The following POFUT3 variants were observed in gnomAD, a reference collection of about 807,000 sequenced individuals.
POFUT3 encodes the protein protein O-fucosyltransferase 3, also known as GDP-fucose protein O-fucosyltransferase 3.
At chr8:33,325,362 C>T in the POFUT3 span, among the ~76,000 whole-genome samples, 1 of 152,176 alleles carries the variant, frequency 6.6e-6, no homozygotes, top group African/African-American at 2.4e-5. Flanking sequence ...TTTTCCCTAA[C>T]ATATTATTAA....
chr8:33,369,688 T>C, the POFUT3 span, among the ~76,000 whole-genome samples: 1 of 152,174 alleles, frequency 6.6e-6, no homozygotes, highest in East Asian at 1.9e-4. Context: ...CAGTCTTTTA[T>C]AGATATTGAG....
At chr8:33,363,484 G>A in the POFUT3 span, among the ~76,000 whole-genome samples, 10 of 152,122 alleles carry the variant, frequency 6.6e-5, no homozygotes, top group Middle Eastern at 6.8e-3. Context: ...TTCAGAAGCC[G>A]GTTTTTTGAA....
the POFUT3 span, among the ~76,000 whole-genome samples, chr8:33,374,288 G>A: frequency 2.6e-5 from 4 of 152,128 alleles, no homozygotes; most frequent in East Asian, 7.7e-4. Context: ...GCCCTAATAG[G>A]ATGCAATGAG....
chr8:33,397,936 T>A, the POFUT3 span, among the ~76,000 whole-genome samples: 1 of 152,182 alleles, frequency 6.6e-6, no homozygotes, highest in African/African-American at 2.4e-5. Flanking sequence ...AAAGCAAGGT[T>A]TTACTGAGTC....
chr8:33,449,882 C>T, the POFUT3 span, among the ~76,000 whole-genome samples: 13 of 151,984 alleles, frequency 8.6e-5, no homozygotes, highest in African/African-American at 2.7e-4. Context: ...TCCTTCAAGG[C>T]CCACTTCAAA....
chr8:33,394,043 G>T, the POFUT3 span, among the ~76,000 whole-genome samples: 13 of 152,078 alleles, frequency 8.5e-5, no homozygotes, highest in African/African-American at 2.9e-4. Flanking sequence ...AAATTAGCTG[G>T]ATGTGATGGT....
chr8:33,381,154 T>C, the POFUT3 span, among the ~76,000 whole-genome samples: 1 of 152,118 alleles, frequency 6.6e-6, no homozygotes, highest in African/African-American at 2.4e-5. Context: ...CAAATTTATA[T>C]ATGTGTATAT....
chr8:33,357,453 A>G, the POFUT3 span, among the ~76,000 whole-genome samples: 2 of 151,908 alleles, frequency 1.3e-5, no homozygotes, highest in Non-Finnish European at 2.9e-5. Context: ...ATTAATTGGT[A>G]CATTAGAAGA....
the POFUT3 span, among the ~76,000 whole-genome samples, chr8:33,472,107 T>A: frequency 1.3e-5 from 2 of 152,314 alleles, no homozygotes; most frequent in Non-Finnish European, 2.9e-5. Context: ...GTGAGTTTCC[T>A]GGGTGTCTCA....
chr8:33,311,608 G>A, the POFUT3 span, among the ~76,000 whole-genome samples: 7 of 152,092 alleles, frequency 4.6e-5, no homozygotes, highest in African/African-American at 1.2e-4. Flanking sequence ...TGTTAATGTC[G>A]GTTTTACTTC....
chr8:33,400,573 T>C, the POFUT3 span, among the ~76,000 whole-genome samples: 5 of 152,072 alleles, frequency 3.3e-5, no homozygotes, highest in African/African-American at 1.2e-4. Flanking sequence ...GTATATCCAA[T>C]TAAACTATGA....
the POFUT3 span, among the ~76,000 whole-genome samples, chr8:33,422,203 T>C: frequency 6.6e-6 from 1 of 151,484 alleles, no homozygotes; most frequent in South Asian, 2.1e-4. Context: ...CCTTTGCTAC[T>C]AGATAACAGA....
the POFUT3 span, among the ~76,000 whole-genome samples, chr8:33,472,171 T>C: frequency 6.6e-6 from 1 of 152,218 alleles, no homozygotes; most frequent in East Asian, 1.9e-4. Context: ...ACTTGCCTTA[T>C]TCAAAACTGT....
At chr8:33,348,050 C>T in the POFUT3 span, among the ~76,000 whole-genome samples, 3 of 151,848 alleles carry the variant, frequency 2.0e-5, no homozygotes, top group Admixed American at 6.6e-5. Context: ...TGGTGGTGGG[C>T]ACCTGTAATC....
At chr8:33,346,221 T>G in the POFUT3 span, among the ~76,000 whole-genome samples, 3 of 151,962 alleles carry the variant, frequency 2.0e-5, no homozygotes, top group South Asian at 6.2e-4. Flanking sequence ...TGAGCTAAAT[T>G]TCCTTAGAAT....
the POFUT3 span, among the ~76,000 whole-genome samples, chr8:33,404,597 T>C: frequency 1.3e-5 from 2 of 152,102 alleles, no homozygotes; most frequent in African/African-American, 4.8e-5. Context: ...ATTTAATAAA[T>C]AAATGCCTTT....
At chr8:33,340,531 A>G in the POFUT3 span, among the ~76,000 whole-genome samples, 3 of 152,136 alleles carry the variant, frequency 2.0e-5, no homozygotes, top group South Asian at 6.2e-4. Flanking sequence ...CACGCTGCCC[A>G]TAAGAAATTC....
chr8:33,388,280 C>T, the POFUT3 span, among the ~76,000 whole-genome samples: 12 of 149,120 alleles, frequency 8.0e-5, no homozygotes, highest in South Asian at 2.1e-3. Flanking sequence ...TCCTTCGCCA[C>T]GGCATTGATG....
chr8:33,335,151 A>ATGTGTGTGTGTGTG, the POFUT3 span, among the ~76,000 whole-genome samples: 2,033 of 145,848 alleles, frequency 0.014, 18 homozygotes, highest in South Asian at 0.05. Flanking sequence ...AAAGAAATAT[A>ATGTGTGTGTGTGTG]TGTGTGTGTG....
Sources: allele counts gnomAD v4.1 joint callset (sites outside exome capture counted in the v4.1 genomes callset), GRCh38; gene constraint gnomAD v4.1.1; transcripts MANE v1.5; gene names NCBI Gene and HGNC (gene_info 2026-07-23, HGNC 2026-07-21).